CCDC141: variants seen among roughly 807,000 people sequenced by gnomAD.
The protein encoded by CCDC141 is coiled-coil domain containing 141, also known as coiled-coil domain-containing protein 141.
In CCDC141, 168 loss-of-function variants were observed where a neutral mutation model predicts 181.0. The observed-to-expected ratio is 0.93, with a 90% CI of 0.82 to 1.05. CCDC141 has a LOEUF of 1.05. Ranked by LOEUF, CCDC141 falls within the 50% of genes least tolerant of loss-of-function variation. The pLI, the probability that CCDC141 is intolerant of heterozygous loss-of-function variation, is 0.00. For missense variants in CCDC141, 1,902 were observed against 1,788.5 expected, an observed-to-expected ratio of 1.06 and a Z score of -1.14; for synonymous variants, 666 against 642.3, an observed-to-expected ratio of 1.04 and a Z score of -0.56.
In CCDC141 at chr2:178,868,142, C is replaced by CATCA. The variant is rs769354226; in HGVS notation, c.2454_2457dup (p.Ala820Ter). The CATCA allele has an allele frequency of 1.2e-5, 20 of 1,613,894 alleles. No individual in the cohort carries two copies. The highest frequency in any genetic ancestry group is 1.7e-5 in the Admixed American group (1 of 59,994). On this transcript the variant is annotated stop_gained and frameshift_variant, in exon 16 of 24. Transcript: ENST00000443758. LOFTEE classifies it high-confidence loss of function. Reference sequence around the variant, plus strand: ...CGGAGGTGAATCTGCACATCATGGGCATCACCCAGTTCCTTCGGCTGCTCT... The same window carrying CATCA: ...CGGAGGTGAATCTGCACATCATGGGCATCAATCACCCAGTTCCTTCGGCTGCTCT...
chr2:179,044,543 A>T (rs1453491783), intron 2 of CCDC141, among the ~76,000 whole-genome samples: 1 of 152,184 alleles, frequency 6.6e-6, no homozygotes, highest in Non-Finnish European at 1.5e-5. Context: ...TGGAGTAGGG[A>T]TGAAGGGAGA....
chr2:178,832,612 G>C lies in CCDC141; in HGVS notation c.*1561C>G, dbSNP rs1575108103. 1 of 151,834 alleles carries C rather than the reference G, an allele frequency of 6.6e-6. No homozygotes were observed. Among genetic ancestry groups the C allele is most frequent in the Admixed American group, 6.6e-5 (1 of 15,230 alleles). The allele number at this position is 151,834 out of a possible 1,614,324, so 9.4% of individuals were successfully genotyped here. A position where few individuals can be genotyped will look rare whatever the true frequency, so the allele number is the denominator to read the frequency against. On this transcript the variant is annotated 3_prime_UTR_variant, in exon 24 of 24. Transcript: ENST00000443758. ...ATTTTTTAATTAAATTGGATATGCA[G>C]CCCAAGAAAGTATACGCCAACTTTT...
intron 5 of CCDC141, among the ~76,000 whole-genome samples, chr2:178,948,421 A>G (rs1383969695): frequency 6.6e-6 from 1 of 152,174 alleles, no homozygotes; most frequent in Non-Finnish European, 1.5e-5. Flanking sequence ...TTTGGACTAT[A>G]TTTGTTAAAT....
At chr2:179,017,404 G>A (rs2042574422) in intron 2 of CCDC141, among the ~76,000 whole-genome samples, 1 of 152,064 alleles carries the variant, frequency 6.6e-6, no homozygotes, top group Non-Finnish European at 1.5e-5. Flanking sequence ...TGGGGTGGGT[G>A]ATAGCCCTTC....
chr2:178,961,508 A>AGG, intron 4 of CCDC141, 25 bp from the exon 5 acceptor site: 2 of 1,520,960 alleles, frequency 1.3e-6, no homozygotes, highest in Non-Finnish European at 8.9e-7. Context: ...GAAAGAAAAA[A>AGG]GAATAATGAT....
At chr2:178,895,452 C>A (rs1687361647) in intron 8 of CCDC141, among the ~76,000 whole-genome samples, 1 of 152,120 alleles carries the variant, frequency 6.6e-6, no homozygotes, top group Non-Finnish European at 1.5e-5. Context: ...TACTTCACAT[C>A]ATCAGCATTA....
intron 2 of CCDC141, among the ~76,000 whole-genome samples, chr2:179,024,370 G>A (rs2042771554): frequency 6.6e-6 from 1 of 152,136 alleles, no homozygotes; most frequent in African/African-American, 2.4e-5. Context: ...CTGTTCCTGT[G>A]ATTATGTCAT....
Position 179,021,375 on chromosome 2 carries a change from C to G in CCDC141, c.225+25909G>C, listed in dbSNP as rs541135058. Among the ~76,000 whole-genome samples, 9 of 152,230 alleles carry G rather than the reference C, an allele frequency of 5.9e-5. 1 individual carries two copies. Among genetic ancestry groups the G allele is most frequent in the African/African-American group, 2.2e-4 (9 of 41,556 alleles). ...CCCTGTCCTATTTGTATAGGCTGCCCCTAATCCAAACTGGCACACAAATAA... is the reference window on the plus strand; with the variant it reads ...CCCTGTCCTATTTGTATAGGCTGCCGCTAATCCAAACTGGCACACAAATAA... On this transcript the variant is annotated intron_variant, in intron 2 of 23. Coordinates refer to ENST00000443758, the MANE Select transcript of CCDC141 (RefSeq NM_173648.4).
chr2:178,947,154 A>C (rs1689766942), intron 5 of CCDC141, among the ~76,000 whole-genome samples: 11 of 152,218 alleles, frequency 7.2e-5, no homozygotes, highest in Admixed American at 7.2e-4. Flanking sequence ...GTCAATCATA[A>C]TATTCTGCCA....
At chr2:178,944,509 T>C in intron 6 of CCDC141, 26 bp downstream of exon 6, 2 of 1,122,584 alleles carry the variant, frequency 1.8e-6, no homozygotes, top group Non-Finnish European at 2.5e-6. Context: ...TTCAATTATT[T>C]TTAGTGTGTC....
intron 5 of CCDC141, among the ~76,000 whole-genome samples, chr2:178,945,762 A>T (rs1689703472): frequency 6.6e-6 from 1 of 152,142 alleles, no homozygotes; most frequent in Non-Finnish European, 1.5e-5. Context: ...CTGAAATCCT[A>T]TAACATGGAG....
intron 7 of CCDC141, among the ~76,000 whole-genome samples, chr2:178,910,396 A>G (rs1430067469): frequency 6.6e-6 from 1 of 152,200 alleles, no homozygotes; most frequent in Non-Finnish European, 1.5e-5. Context: ...TAGTGGCTGG[A>G]GAGAGTTTTG....
At chr2:178,950,724 T>C (rs1316811052) in intron 5 of CCDC141, among the ~76,000 whole-genome samples, 2 of 152,196 alleles carry the variant, frequency 1.3e-5, no homozygotes, top group Non-Finnish European at 2.9e-5. Context: ...TATCAGTATC[T>C]CCTCAATAAA....
chr2:178,818,280 A>G, the CCDC141 span, among the ~76,000 whole-genome samples: 1 of 152,212 alleles, frequency 6.6e-6, no homozygotes, highest in African/African-American at 2.4e-5. Flanking sequence ...TGACTTTTTA[A>G]AATTTTATTT....
chr2:178,980,457 GA>G (rs894899271), intron 2 of CCDC141, among the ~76,000 whole-genome samples: 2 of 149,542 alleles, frequency 1.3e-5, no homozygotes, highest in East Asian at 2.0e-4. Flanking sequence ...CTCAAAAAAA[GA>G]AAAAAAAATG....
intron 16 of CCDC141, 111 bp downstream of exon 16, chr2:178,867,915 A>G (rs1685924029): frequency 7.3e-6 from 6 of 824,592 alleles, no homozygotes; most frequent in Non-Finnish European, 1.1e-5. Flanking sequence ...CCAATGGTTT[A>G]GTTTATTTTT....
chr2:178,896,259 G>A (rs1208636626), intron 8 of CCDC141, among the ~76,000 whole-genome samples: 1 of 152,058 alleles, frequency 6.6e-6, no homozygotes, highest in African/African-American at 2.4e-5. Flanking sequence ...CCTTTCATTT[G>A]GCCTGTCTTG....
intron 2 of CCDC141, among the ~76,000 whole-genome samples, chr2:178,996,367 C>T (rs563334468): frequency 1.1e-4 from 16 of 152,150 alleles, no homozygotes; most frequent in Admixed American, 2.6e-4. Context: ...TGTGAGCCAC[C>T]GCACCTGGCC....
At chr2:178,932,792 A>C (rs1387095177) in intron 6 of CCDC141, among the ~76,000 whole-genome samples, 1 of 152,218 alleles carries the variant, frequency 6.6e-6, no homozygotes, top group East Asian at 1.9e-4. Flanking sequence ...CAGAAAAATA[A>C]AACAATAAAC....
Sources: gnomAD v4.1 joint callset for allele counts (sites outside exome capture counted in the v4.1 genomes callset) on GRCh38, gnomAD v4.1.1 for gene constraint, MANE v1.5 for transcripts, NCBI Gene and HGNC (gene_info 2026-07-23, HGNC 2026-07-21) for gene names.